Variants in RBFOX1 observed in about 807,000 individuals in gnomAD.
RBFOX1 encodes RNA binding protein fox-1 homolog 1.
Under a neutral mutation model 57.7 loss-of-function variants are expected in RBFOX1, and 8 were observed. The observed-to-expected ratio is 0.14, with a 90% CI of 0.08 to 0.25. The LOEUF is 0.25. RBFOX1 is among the 10% of genes least tolerant of loss of function. The pLI is 1.00. For missense variants in RBFOX1, 611 were observed against 548.5 expected (o/e 1.11, Z -1.14); for synonymous variants, 326 against 222.4 (o/e 1.47, Z -4.15).
intron 1 of RBFOX1, among the ~76,000 whole-genome samples, chr16:5,257,691 C>G (rs2062623024): frequency 6.6e-6 from 1 of 152,150 alleles, no homozygotes; most frequent in Non-Finnish European, 1.5e-5. Context: ...TTCCATGAAG[C>G]AAGGCGCATG....
intron 1 of RBFOX1, among the ~76,000 whole-genome samples, chr16:5,455,184 C>T (rs894537678): frequency 6.6e-5 from 10 of 151,822 alleles, no homozygotes; most frequent in African/African-American, 1.2e-4. Flanking sequence ...TGGGCCTCAT[C>T]TGAAATGACT....
chr16:5,274,027 G>A (rs750175252), intron 1 of RBFOX1, among the ~76,000 whole-genome samples: 3 of 152,196 alleles, frequency 2.0e-5, no homozygotes, highest in Non-Finnish European at 4.4e-5. Flanking sequence ...TCCCTCTCAG[G>A]TTTGTGGGGA....
chr16:6,337,866 A>G (rs2083988942), intron 2 of RBFOX1, among the ~76,000 whole-genome samples: 1 of 152,220 alleles, frequency 6.6e-6, no homozygotes, highest in Non-Finnish European at 1.5e-5. Context: ...CTTGTGAGAA[A>G]ACACCCCCTT....
At chr16:5,627,593 C>T (rs1394928029) in intron 3 of RBFOX1, among the ~76,000 whole-genome samples, 1 of 152,028 alleles carries the variant, frequency 6.6e-6, no homozygotes, top group Admixed American at 6.5e-5. Flanking sequence ...TAAGCAACAA[C>T]CTTATAAATA....
chr16:5,952,035 A>G (rs531119323), intron 4 of RBFOX1, among the ~76,000 whole-genome samples: 2 of 151,568 alleles, frequency 1.3e-5, no homozygotes, highest in East Asian at 1.9e-4. Context: ...ACACATATAT[A>G]TAGACATACA....
chr16:6,811,721 C>A (rs1334201563), intron 3 of RBFOX1, among the ~76,000 whole-genome samples: 1 of 152,030 alleles, frequency 6.6e-6, no homozygotes, highest in East Asian at 1.9e-4. Context: ...GAAATCCCAT[C>A]TCTTCAAAAA....
intron 1 of RBFOX1, among the ~76,000 whole-genome samples, chr16:5,383,959 C>G (rs536209624): frequency 6.6e-6 from 1 of 152,328 alleles, no homozygotes; most frequent in East Asian, 1.9e-4. Context: ...TTTGCCTATT[C>G]TGCATTCTCC....
At chr16:6,754,654 G>C in intron 3 of RBFOX1, among the ~76,000 whole-genome samples, 1 of 152,102 alleles carries the variant, frequency 6.6e-6, no homozygotes, top group Non-Finnish European at 1.5e-5. Flanking sequence ...TGTTGTTTTA[G>C]AGGTGGGAGA....
intron 1 of RBFOX1, among the ~76,000 whole-genome samples, chr16:6,120,460 C>G (rs1395870715): frequency 6.6e-6 from 1 of 152,088 alleles, no homozygotes; most frequent in Non-Finnish European, 1.5e-5. Flanking sequence ...TAAGGGGGCA[C>G]TGGAGTGAAT....
At chr16:7,390,911 A>G (rs2097999272) in intron 4 of RBFOX1, among the ~76,000 whole-genome samples, 3 of 152,148 alleles carry the variant, frequency 2.0e-5, no homozygotes, top group African/African-American at 7.2e-5. Context: ...TTATGGAATA[A>G]AAAAAGATCC....
At chr16:6,861,779 T>C (rs905531270) in intron 3 of RBFOX1, among the ~76,000 whole-genome samples, 1 of 149,746 alleles carries the variant, frequency 6.7e-6, no homozygotes, top group Non-Finnish European at 1.5e-5. Context: ...CCAAAGTGTT[T>C]CCACGTTCAT....
At chr16:7,309,037 T>G (rs1317004157) in intron 4 of RBFOX1, among the ~76,000 whole-genome samples, 7 of 152,090 alleles carry the variant, frequency 4.6e-5, no homozygotes, top group African/African-American at 1.7e-4. Context: ...AGAAAAGAAT[T>G]AGGATAGATT....
intron 3 of RBFOX1, among the ~76,000 whole-genome samples, chr16:5,837,589 C>G (rs919148923): frequency 5.4e-5 from 8 of 148,240 alleles, no homozygotes; most frequent in Non-Finnish European, 1.2e-4. Flanking sequence ...CAGGGAAAGT[C>G]TTGATGCCAG....
intron 3 of RBFOX1, among the ~76,000 whole-genome samples, chr16:5,799,550 A>G (rs1272721591): frequency 6.6e-6 from 1 of 152,150 alleles, no homozygotes; most frequent in Non-Finnish European, 1.5e-5. Flanking sequence ...TGTTTTTTTC[A>G]CTTTCAGTAC....
At chr16:5,767,841 C>T (rs930827064) in intron 3 of RBFOX1, among the ~76,000 whole-genome samples, 1 of 152,176 alleles carries the variant, frequency 6.6e-6, no homozygotes, top group African/African-American at 2.4e-5. Flanking sequence ...CTCCCCCTCA[C>T]TCAGCATAAT....
intron 1 of RBFOX1, among the ~76,000 whole-genome samples, chr16:6,238,434 A>G (rs1250063397): frequency 6.6e-6 from 1 of 152,210 alleles, no homozygotes; most frequent in Non-Finnish European, 1.5e-5. Context: ...CTCTCCTCGT[A>G]GGATGCCTCC....
At chr16:7,433,657 C>T (rs1230156006) in intron 4 of RBFOX1, among the ~76,000 whole-genome samples, 3 of 152,214 alleles carry the variant, frequency 2.0e-5, no homozygotes, top group Non-Finnish European at 4.4e-5. Flanking sequence ...TTAGTTTCTA[C>T]AGTATCAGAG....
intron 3 of RBFOX1, among the ~76,000 whole-genome samples, chr16:5,697,115 A>G (rs2050868548): frequency 6.6e-6 from 1 of 152,070 alleles, no homozygotes; most frequent in Non-Finnish European, 1.5e-5. Flanking sequence ...GTTTTTTCTC[A>G]TATAATTTTG....
chr16:7,119,480 G>A (rs2066634825), intron 4 of RBFOX1, among the ~76,000 whole-genome samples: 2 of 152,018 alleles, frequency 1.3e-5, no homozygotes, highest in South Asian at 4.2e-4. Context: ...AATCCATGGG[G>A]GGAGTTCCAT....
Sources: gnomAD v4.1 joint callset for allele counts (sites outside exome capture counted in the v4.1 genomes callset) on GRCh38, gnomAD v4.1.1 for gene constraint, MANE v1.5 for transcripts, NCBI Gene and HGNC (gene_info 2026-07-23, HGNC 2026-07-21) for gene names.